The following ATP6V0E1 variants were observed in gnomAD, a reference collection of about 807,000 sequenced individuals.
The protein encoded by ATP6V0E1 is V-type proton ATPase subunit e 1.
Under a neutral mutation model 11.6 loss-of-function variants are expected in ATP6V0E1, and 4 were observed. That is an observed-to-expected ratio of 0.35 (90% confidence interval 0.17 to 0.79). The LOEUF is 0.79. Among genes scored for constraint, ATP6V0E1 ranks in the 30% least tolerant of loss-of-function variants. The pLI is 0.54. For synonymous variants in ATP6V0E1, 36 were observed against 34.8 expected (o/e 1.04, Z -0.13); for missense variants, 105 against 100.0 (o/e 1.05, Z -0.21).
At chr5:173,030,431 T>C (rs1756631823) in intron 3 of ATP6V0E1, among the ~76,000 whole-genome samples, 1 of 150,230 alleles carries the variant, frequency 6.7e-6, no homozygotes, top group African/African-American at 2.5e-5. Flanking sequence ...ATCTTCATTG[T>C]CAGTTTTTTG....
At chr5:173,023,090 C>A (rs1337491577) in intron 3 of ATP6V0E1, among the ~76,000 whole-genome samples, 3 of 152,226 alleles carry the variant, frequency 2.0e-5, no homozygotes, top group Non-Finnish European at 2.9e-5. Flanking sequence ...CTCCTGGGCT[C>A]AAGTGATCCT....
At chr5:173,013,908 C>T (rs934078785) in intron 2 of ATP6V0E1, among the ~76,000 whole-genome samples, 13 of 152,086 alleles carry the variant, frequency 8.5e-5, no homozygotes, top group African/African-American at 3.1e-4. Context: ...AATCCCAGCA[C>T]TTTGGGAAGC....
chr5:173,025,938 C>T (rs1208587754), intron 3 of ATP6V0E1, among the ~76,000 whole-genome samples: 1 of 152,098 alleles, frequency 6.6e-6, no homozygotes, highest in Non-Finnish European at 1.5e-5. Flanking sequence ...GCAGAAGGAT[C>T]TCTTGAGCCC....
intron 2 of ATP6V0E1, among the ~76,000 whole-genome samples, chr5:173,013,578 A>G (rs914057150): frequency 6.7e-6 from 1 of 149,924 alleles, no homozygotes; most frequent in African/African-American, 2.5e-5. Context: ...CCATCTCAAA[A>G]AAAAAAAAAA....
intron 2 of ATP6V0E1, among the ~76,000 whole-genome samples, chr5:172,998,007 G>C (rs1008928272): frequency 6.6e-6 from 1 of 151,994 alleles, no homozygotes; most frequent in African/African-American, 2.4e-5. Flanking sequence ...TACCGGGAAG[G>C]TGGAGGTGTG....
chr5:173,032,371 T>A (rs996566777), intron 3 of ATP6V0E1, among the ~76,000 whole-genome samples: 2 of 151,644 alleles, frequency 1.3e-5, no homozygotes, highest in African/African-American at 4.8e-5. Flanking sequence ...CACTGCAACC[T>A]CCGCCTCCTG....
intron 2 of ATP6V0E1, among the ~76,000 whole-genome samples, chr5:173,016,728 C>T (rs1756405938): frequency 6.6e-6 from 1 of 152,196 alleles, no homozygotes; most frequent in Non-Finnish European, 1.5e-5. Flanking sequence ...CTTAGCTCTG[C>T]ACCATTAGCG....
rs371829177 is a variant in ATP6V0E1 at position 173,006,548 on chromosome 5, CGCAG to C, written c.152+11731_152+11734del. On this transcript the variant is annotated intron_variant, in intron 2 of 3. Transcript: ENST00000519374. Reference sequence around the variant, plus strand: ...TGGCGTGAACCCGGGAGGCGGAGGTCGCAGGCAGTGAGCCGAGATGGCGACACTG... The same window carrying C: ...TGGCGTGAACCCGGGAGGCGGAGGTCGCAGTGAGCCGAGATGGCGACACTG... Among the ~76,000 whole-genome samples the C allele has an allele frequency of 8.7e-3, 1,318 of 152,182 alleles. 19 individuals carry two copies. Among genetic ancestry groups the C allele is most frequent in the African/African-American group, 0.03 (1,257 of 41,524 alleles).
intron 2 of ATP6V0E1, among the ~76,000 whole-genome samples, chr5:173,002,597 AGAGG>A (rs1756175941): frequency 6.6e-6 from 1 of 152,226 alleles, no homozygotes; most frequent in Non-Finnish European, 1.5e-5. Flanking sequence ...AGTACTTCCA[AGAGG>A]GGTACATAAT....
intron 1 of ATP6V0E1, among the ~76,000 whole-genome samples, chr5:172,992,830 C>T (rs188490744): frequency 8.1e-4 from 123 of 152,168 alleles, no homozygotes; most frequent in Middle Eastern, 6.8e-3. Context: ...TGGAGTCTTG[C>T]TCTGTCGCCC....
At chr5:173,028,963 T>C (rs1028931336) in intron 3 of ATP6V0E1, among the ~76,000 whole-genome samples, 1 of 152,202 alleles carries the variant, frequency 6.6e-6, no homozygotes, top group African/African-American at 2.4e-5. Flanking sequence ...GGAAGTTACT[T>C]GGTTTAGCAA....
intron 2 of ATP6V0E1, among the ~76,000 whole-genome samples, chr5:172,998,681 G>A (rs964135325): frequency 6.6e-6 from 1 of 151,864 alleles, no homozygotes; most frequent in Admixed American, 6.6e-5. Context: ...TTAGTACGAT[G>A]GTTGACCATC....
chr5:173,024,618 C>G (rs893162808), intron 3 of ATP6V0E1, among the ~76,000 whole-genome samples: 2 of 152,104 alleles, frequency 1.3e-5, no homozygotes, highest in African/African-American at 4.8e-5. Flanking sequence ...GCCCATTTGA[C>G]TCTGGTTCTG....
At chr5:173,028,612 C>T (rs575540994) in intron 3 of ATP6V0E1, among the ~76,000 whole-genome samples, 10 of 152,134 alleles carry the variant, frequency 6.6e-5, no homozygotes, top group South Asian at 2.1e-4. Context: ...AATACATAGC[C>T]GATCTTTTGC....
chr5:173,026,366 G>C (rs1756558371), intron 3 of ATP6V0E1, among the ~76,000 whole-genome samples: 1 of 152,104 alleles, frequency 6.6e-6, no homozygotes, highest in Admixed American at 6.5e-5. Flanking sequence ...TAAGTTGTTT[G>C]TGTTCAATTT....
At chr5:173,007,038 A>G (rs1756240491) in intron 2 of ATP6V0E1, among the ~76,000 whole-genome samples, 1 of 152,176 alleles carries the variant, frequency 6.6e-6, no homozygotes, top group Non-Finnish European at 1.5e-5. Flanking sequence ...GGAGAGAAAA[A>G]AGGAAAGGTA....
intron 3 of ATP6V0E1, among the ~76,000 whole-genome samples, chr5:173,021,528 A>G (rs1374621055): frequency 1.3e-5 from 2 of 152,146 alleles, no homozygotes; most frequent in Admixed American, 1.3e-4. Flanking sequence ...GTTATCTCCC[A>G]CCAGGTCCCT....
chr5:173,003,651 C>T (rs1756190105), intron 2 of ATP6V0E1, among the ~76,000 whole-genome samples: 1 of 152,068 alleles, frequency 6.6e-6, no homozygotes, highest in Non-Finnish European at 1.5e-5. Context: ...GCAAATTTGG[C>T]AGGTAGAATT....
At chr5:173,012,859 T>A (rs977369379) in intron 2 of ATP6V0E1, among the ~76,000 whole-genome samples, 1 of 151,912 alleles carries the variant, frequency 6.6e-6, no homozygotes, top group Middle Eastern at 3.4e-3. Context: ...GGCAAAAGTT[T>A]TATGACTAAG....
Sources: gnomAD v4.1 joint callset for allele counts (sites outside exome capture counted in the v4.1 genomes callset) on GRCh38, gnomAD v4.1.1 for gene constraint, MANE v1.5 for transcripts, NCBI Gene and HGNC (gene_info 2026-07-23, HGNC 2026-07-21) for gene names.